Variants in NKD1 observed in about 807,000 individuals in gnomAD.
NKD1 encodes NKD inhibitor of Wnt signaling pathway 1.
Under a neutral mutation model 56.0 loss-of-function variants are expected in NKD1, and 21 were observed. The observed-to-expected ratio is 0.38, with a 90% CI of 0.27 to 0.54. NKD1 has a LOEUF of 0.54. Among genes scored for constraint, NKD1 ranks in the 20% least tolerant of loss-of-function variants. The probability of loss-of-function intolerance (pLI) is 0.82; values close to 1 mark genes in which losing one functional copy is unlikely to be tolerated. For missense variants in NKD1, 578 were observed against 642.7 expected, an observed-to-expected ratio of 0.90 and a Z score of 1.09; for synonymous variants, 263 against 265.7, an observed-to-expected ratio of 0.99 and a Z score of 0.10.
chr16:50,587,990 T>G (rs1961266528), intron 3 of NKD1, among the ~76,000 whole-genome samples: 1 of 152,114 alleles, frequency 6.6e-6, no homozygotes, highest in Admixed American at 6.5e-5. Context: ...CATGGAAAAA[T>G]TGTCTTCCAT....
chr16:50,599,392 C>A (rs745516788), intron 3 of NKD1, among the ~76,000 whole-genome samples: 1 of 152,126 alleles, frequency 6.6e-6, no homozygotes, highest in Non-Finnish European at 1.5e-5. Flanking sequence ...CTCATTTGTA[C>A]AAAGTCACAC....
At chr16:50,631,543 A>C (rs1962346289) in intron 8 of NKD1, among the ~76,000 whole-genome samples, 1 of 152,204 alleles carries the variant, frequency 6.6e-6, no homozygotes, top group African/African-American at 2.4e-5. Context: ...AAGAAAAAAC[A>C]GTTCAAGCAG....
chr16:50,567,160 A>G (rs919020645), intron 3 of NKD1, among the ~76,000 whole-genome samples: 4 of 152,140 alleles, frequency 2.6e-5, no homozygotes, highest in Non-Finnish European at 5.9e-5. Flanking sequence ...TTTCTTACCT[A>G]TAAAAAGAGG....
intron 3 of NKD1, among the ~76,000 whole-genome samples, chr16:50,570,563 T>C (rs6500319): frequency 0.99 from 150,545 of 152,364 alleles, 74,378 homozygotes; most frequent in East Asian, 1. Flanking sequence ...CCTCTCTGTG[T>C]CTCTGTTTCT....
chr16:50,608,214 T>C, intron 3 of NKD1, 80 bp from the exon 4 acceptor site: 1 of 930,008 alleles, frequency 1.1e-6, no homozygotes, highest in Non-Finnish European at 1.8e-6. Context: ...CAGCCCAGGG[T>C]CCTCATGGCA....
chr16:50,592,205 G>A (rs1020942670), intron 3 of NKD1, among the ~76,000 whole-genome samples: 7 of 152,230 alleles, frequency 4.6e-5, no homozygotes, highest in Admixed American at 4.6e-4. Context: ...AATGAAAGCT[G>A]TCCCAAGGCC....
chr16:50,591,638 G>A (rs986708125), intron 3 of NKD1, among the ~76,000 whole-genome samples: 5 of 152,214 alleles, frequency 3.3e-5, no homozygotes, highest in African/African-American at 9.6e-5. Context: ...CCAGCTCCCA[G>A]GCTAGCATTT....
intron 3 of NKD1, among the ~76,000 whole-genome samples, chr16:50,588,869 G>C (rs1567342171): frequency 6.6e-6 from 1 of 152,100 alleles, no homozygotes; most frequent in Non-Finnish European, 1.5e-5. Context: ...CTCCCAAAGT[G>C]CTGGGATTAC....
intron 3 of NKD1, among the ~76,000 whole-genome samples, chr16:50,604,065 G>T (rs1961653546): frequency 6.6e-6 from 1 of 152,212 alleles, no homozygotes; most frequent in African/African-American, 2.4e-5. Context: ...CTGTCCTGGA[G>T]GCCAGAGGGG....
chr16:50,625,215 C>G (rs1460317094), intron 5 of NKD1: 2 of 515,810 alleles, frequency 3.9e-6, no homozygotes, highest in South Asian at 2.3e-5. Flanking sequence ...CTTCTCAGAA[C>G]CCCCTGTGTT....
chr16:50,587,566 A>G (rs1961257890), intron 3 of NKD1, among the ~76,000 whole-genome samples: 1 of 152,204 alleles, frequency 6.6e-6, no homozygotes, highest in Non-Finnish European at 1.5e-5. Context: ...ATATATCTTG[A>G]TGGATCTGAA....
intron 3 of NKD1, among the ~76,000 whole-genome samples, chr16:50,573,392 C>G (rs540394693): frequency 6.6e-6 from 1 of 152,348 alleles, no homozygotes; most frequent in South Asian, 2.1e-4. Flanking sequence ...CTTCTCCCCC[C>G]ATCAGGTTAA....
chr16:50,570,130 C>T (rs761701324), intron 3 of NKD1, among the ~76,000 whole-genome samples: 14 of 151,928 alleles, frequency 9.2e-5, no homozygotes, highest in Non-Finnish European at 1.5e-4. Context: ...TTTGAAATGT[C>T]GGTATTTTGG....
At chr16:50,631,557 C>T (rs1241637550) in intron 8 of NKD1, among the ~76,000 whole-genome samples, 1 of 152,152 alleles carries the variant, frequency 6.6e-6, no homozygotes, top group African/African-American at 2.4e-5. Context: ...CAAGCAGGGT[C>T]ACAGCCAGGT....
chr16:50,593,915 A>G (rs1409191192), intron 3 of NKD1, among the ~76,000 whole-genome samples: 1 of 152,160 alleles, frequency 6.6e-6, no homozygotes, highest in Non-Finnish European at 1.5e-5. Flanking sequence ...TTCCCAGAAG[A>G]AGGAGGAAGG....
rs558577146 is a variant in NKD1 at position 50,605,813 on chromosome 16, G to A, written c.193-2481G>A. ...GAATGACTATAAAGTGCCTAGCATC[G>A]TGCCTGACACATGGAAAATGCACAG... On this transcript the variant is annotated intron_variant, in intron 3 of 9. Coordinates refer to ENST00000268459, the MANE Select transcript of NKD1 (RefSeq NM_033119.5). Among the ~76,000 whole-genome samples the A allele has an allele frequency of 5.3e-5, 8 of 152,262 alleles. No individual in the cohort carries two copies. The East Asian group carries it at 7.7e-4, about 15-fold the overall frequency.
chr16:50,626,120 C>T (rs535872679), intron 6 of NKD1, among the ~76,000 whole-genome samples: 4 of 152,330 alleles, frequency 2.6e-5, no homozygotes, highest in East Asian at 1.9e-4. Flanking sequence ...GTCACAGCCT[C>T]GTCCCAAACC....
At chr16:50,555,150 G>A (rs533833502) in intron 3 of NKD1, among the ~76,000 whole-genome samples, 2 of 152,250 alleles carry the variant, frequency 1.3e-5, no homozygotes, top group East Asian at 1.9e-4. Context: ...GTTGGAGGTG[G>A]GGGGAAGAGC....
rs1385916784 is a variant in NKD1 at position 50,640,713 on chromosome 16, A to C, written c.*6932A>C. 1 of 152,224 alleles carries C rather than the reference A, an allele frequency of 6.6e-6. No homozygotes were observed. The highest frequency in any genetic ancestry group is 1.5e-5 in the Non-Finnish European group (1 of 68,044). The allele number at this position is 152,224 out of a possible 1,614,324, so 9.4% of individuals were successfully genotyped here. On this transcript the variant is annotated 3_prime_UTR_variant, in exon 10 of 10. Coordinates refer to ENST00000268459, the MANE Select transcript of NKD1 (RefSeq NM_033119.5). ...CTCTGGAGTTTTACAAAGCAGTCAC[A>C]TTTCAAATAAAAGTCTGGGAAAGCA... is the stretch of plus-strand genomic sequence containing the variant.
Sources: allele counts gnomAD v4.1 joint callset (sites outside exome capture counted in the v4.1 genomes callset), GRCh38; gene constraint gnomAD v4.1.1; transcripts MANE v1.5; gene names NCBI Gene and HGNC (gene_info 2026-07-23, HGNC 2026-07-21).